DPPA2: variants seen among roughly 807,000 people sequenced by gnomAD.
DPPA2 encodes the protein developmental pluripotency associated 2.
DPPA2 carries 26 observed loss-of-function variants against 36.2 expected under a neutral mutation model. That is an observed-to-expected ratio of 0.72 (90% CI 0.53 to 1.00). The LOEUF is 1.00. Among genes scored for constraint, DPPA2 ranks in the 50% least tolerant of loss-of-function variants. The probability of loss-of-function intolerance (pLI) is 0.00; values close to 1 mark genes in which losing one functional copy is unlikely to be tolerated. For missense variants in DPPA2, 361 were observed against 365.1 expected, an observed-to-expected ratio of 0.99 and a Z score of 0.09; for synonymous variants, 113 against 123.2, an observed-to-expected ratio of 0.92 and a Z score of 0.55.
intron 6 of DPPA2, among the ~76,000 whole-genome samples, chr3:109,305,949 A>G (rs1265893761): frequency 6.6e-6 from 1 of 152,166 alleles, no homozygotes; most frequent in African/African-American, 2.4e-5. Context: ...TACAGGAAAC[A>G]GACAAGTGTC....
At position 109,310,143 on chromosome 3, in the gene DPPA2, G is replaced by A. The variant is rs566151024; in HGVS notation, c.182-813C>T. On this transcript the variant is annotated intron_variant, in intron 3 of 8. Coordinates refer to ENST00000478945, the MANE Select transcript of DPPA2 (RefSeq NM_138815.4). ...CTAGGGAGGCTGAGGCAGGAGAATC[G>A]CTTGAACCTGGGAGGCGGAGGTTGT... Among the ~76,000 whole-genome samples, 48 of 150,742 alleles carry A rather than the reference G, an allele frequency of 3.2e-4. No homozygotes were observed. In the East Asian group the frequency reaches 7.9e-3, roughly 25 times the overall value.
At chr3:109,310,276 C>A (rs1707678457) in intron 3 of DPPA2, among the ~76,000 whole-genome samples, 1 of 147,154 alleles carries the variant, frequency 6.8e-6, no homozygotes, top group African/African-American at 2.5e-5. Context: ...GGGGTGCACA[C>A]CTGCAATCCC....
chr3:109,310,726 G>A (rs909561603), intron 3 of DPPA2, among the ~76,000 whole-genome samples: 14 of 151,854 alleles, frequency 9.2e-5, no homozygotes, highest in South Asian at 4.2e-4. Flanking sequence ...GGCTGGTCTC[G>A]AACGCCTGAC....
At chr3:109,305,161 C>T (rs1707533706) in intron 6 of DPPA2, among the ~76,000 whole-genome samples, 1 of 151,716 alleles carries the variant, frequency 6.6e-6, no homozygotes, top group Admixed American at 6.6e-5. Flanking sequence ...AATAATAATA[C>T]TAATAATAAT....
At chr3:109,310,856 CA>C (rs1170049764) in intron 3 of DPPA2, among the ~76,000 whole-genome samples, 2 of 151,972 alleles carry the variant, frequency 1.3e-5, no homozygotes, top group Non-Finnish European at 2.9e-5. Flanking sequence ...GGCTGGAGTG[CA>C]GTGGTGCGAT....
intron 8 of DPPA2, among the ~76,000 whole-genome samples, chr3:109,298,342 G>A (rs1223465944): frequency 1.3e-5 from 2 of 152,090 alleles, no homozygotes; most frequent in Non-Finnish European, 2.9e-5. Context: ...TGAACTCAGG[G>A]AGCCTGAGGT....
At chr3:109,302,140 A>G (rs1464948011) in intron 7 of DPPA2, among the ~76,000 whole-genome samples, 1 of 152,168 alleles carries the variant, frequency 6.6e-6, no homozygotes, top group African/African-American at 2.4e-5. Flanking sequence ...GATTATCTTT[A>G]GGGTTCCTCC....
At chr3:109,295,983 A>G (rs1157682764) in intron 8 of DPPA2, among the ~76,000 whole-genome samples, 5 of 152,230 alleles carry the variant, frequency 3.3e-5, no homozygotes, top group African/African-American at 4.8e-5. Flanking sequence ...AAATGTCAAT[A>G]GAAACCTCCA....
In DPPA2 at chr3:109,308,248, T is replaced by C. The variant is rs1001609977; in HGVS notation, c.442A>G (p.Arg148Gly). The C allele has an allele frequency of 1.2e-6, 2 of 1,614,134 alleles. No homozygotes were observed. The highest frequency in any genetic ancestry group is 2.7e-5 in the African/African-American group (2 of 74,952). ...SQETRLQRCS[R>G]KRKAVTKRAR... is the part of the protein sequence containing the mutation. ...CTCTTGGTCACTGCCTTGCGTTTCC[T>C]CGAACATCGCTGTAATCTGGTCTCT... The change falls in exon 6 of 9, where the codon AGG becomes GGG. Residue 148 changes from arginine (R) to glycine (G), a missense_variant. Arg to Gly is a moderately radical substitution (Grantham distance 125). Coordinates refer to ENST00000478945, the MANE Select transcript of DPPA2 (RefSeq NM_138815.4).
At chr3:109,300,198 G>A (rs188586619) in intron 8 of DPPA2, among the ~76,000 whole-genome samples, 173 bp downstream of exon 8, 101 of 152,260 alleles carry the variant, frequency 6.6e-4, no homozygotes, top group African/African-American at 2.2e-3. Context: ...ATCTACAGAC[G>A]CGCCACCATT....
intron 7 of DPPA2, among the ~76,000 whole-genome samples, 162 bp downstream of exon 7, chr3:109,304,313 T>A (rs768530284): frequency 6.6e-6 from 1 of 152,046 alleles, no homozygotes; most frequent in Non-Finnish European, 1.5e-5. Context: ...TGAGTTGTAA[T>A]TCACTAGTGA....
chr3:109,305,984 T>A (rs1707556336), intron 6 of DPPA2, among the ~76,000 whole-genome samples: 1 of 152,158 alleles, frequency 6.6e-6, no homozygotes, highest in Admixed American at 6.6e-5. Context: ...AGGAACAATT[T>A]AATTAAGGAG....
chr3:109,312,709 G>C lies in DPPA2; in HGVS notation c.34-17C>G. On this transcript the variant is annotated splice_polypyrimidine_tract_variant and intron_variant, in intron 2 of 8. Transcript: ENST00000478945. ...CAAGAAATTCTGGAAAGAGAAGTCA[G>C]TCACTGATTTTCATTTGATGCGGTA... 6.2e-7 allele frequency: 1 copy of C among 1,611,642 alleles called. No individual in the cohort carries two copies. Among genetic ancestry groups the C allele is most frequent in the South Asian group, 1.1e-5 (1 of 90,868 alleles).
intron 8 of DPPA2, among the ~76,000 whole-genome samples, chr3:109,298,154 C>T (rs964443729): frequency 2.0e-5 from 3 of 152,090 alleles, no homozygotes; most frequent in South Asian, 2.1e-4. Flanking sequence ...ATTGGTGCAA[C>T]ACAAGGGATT....
chr3:109,301,139 A>G (rs1002869889), intron 7 of DPPA2, among the ~76,000 whole-genome samples: 4 of 151,618 alleles, frequency 2.6e-5, no homozygotes, highest in African/African-American at 9.7e-5. Context: ...GCATGCCACC[A>G]CACCTGGCTA....
intron 7 of DPPA2, among the ~76,000 whole-genome samples, chr3:109,302,806 C>T (rs1707480020): frequency 1.3e-5 from 2 of 150,630 alleles, no homozygotes; most frequent in Admixed American, 6.6e-5. Context: ...TCTCATCTCA[C>T]TTCCACCCAA....
chr3:109,308,122 C>T lies in DPPA2; in HGVS notation c.568G>A (p.Ala190Thr). The T allele has an allele frequency of 1.2e-6, 2 of 1,614,196 alleles. No homozygotes were observed. The highest frequency in any genetic ancestry group is 1.7e-5 in the Admixed American group (1 of 60,018). ...SAPGAMLASW[A>T]RIAARAVQPK... ...TGAACAGCTCTTGCAGCAATTCTTGCCCATGATGCCAACATGGCTCCCGGT... is the reference window on the plus strand; with the variant it reads ...TGAACAGCTCTTGCAGCAATTCTTGTCCATGATGCCAACATGGCTCCCGGT... Residue 190 changes from alanine (A) to threonine (T), a missense_variant, in exon 6 of 9, where the codon GCA becomes ACA. Physicochemically the swap from Ala to Thr is moderately conservative, Grantham distance 58 (BLOSUM62 0). Coordinates refer to ENST00000478945, the MANE Select transcript of DPPA2 (RefSeq NM_138815.4).
intron 8 of DPPA2, among the ~76,000 whole-genome samples, chr3:109,299,916 C>T (rs1341973853): frequency 6.6e-6 from 1 of 151,938 alleles, no homozygotes; most frequent in Admixed American, 6.6e-5. Flanking sequence ...CCACCATGCC[C>T]AGCCCTGCCT....
chr3:109,298,921 C>T (rs1397380226), intron 8 of DPPA2, among the ~76,000 whole-genome samples: 1 of 151,964 alleles, frequency 6.6e-6, no homozygotes, highest in African/African-American at 2.4e-5. Flanking sequence ...TGGTGTGTGT[C>T]TGTAGTCCCA....
Sources: gnomAD v4.1 joint callset for allele counts (sites outside exome capture counted in the v4.1 genomes callset) on GRCh38, gnomAD v4.1.1 for gene constraint, MANE v1.5 for transcripts, NCBI Gene and HGNC (gene_info 2026-07-23, HGNC 2026-07-21) for gene names.